The following ABCC9 variants were observed in gnomAD, a reference collection of about 807,000 sequenced individuals.
ABCC9 encodes the protein ATP-binding cassette sub-family C member 9.
In ABCC9, 95 loss-of-function variants were observed where a neutral mutation model predicts 188.3. The observed-to-expected ratio is 0.50, with a 90% confidence interval of 0.43 to 0.60. The LOEUF is 0.60. Among genes scored for constraint, ABCC9 ranks in the 20% least tolerant of loss-of-function variants. ABCC9 has a pLI of 0.00. For synonymous variants in ABCC9, 659 were observed against 652.7 expected, an observed-to-expected ratio of 1.01 and a Z score of -0.15; for missense variants, 1,102 against 1,876.3, an observed-to-expected ratio of 0.59 and a Z score of 7.62.
At chr12:21,925,711 T>C (rs1371622228) in intron 5 of ABCC9, among the ~76,000 whole-genome samples, 1 of 152,012 alleles carries the variant, frequency 6.6e-6, no homozygotes, top group Non-Finnish European at 1.5e-5. Context: ...GAGCATTTAT[T>C]GCAGAAGAGA....
At position 21,842,423 on chromosome 12, in the gene ABCC9, G is replaced by C; in HGVS notation, c.3364C>G (p.Leu1122Val). 8 of 1,614,156 alleles carry C rather than the reference G, an allele frequency of 5.0e-6. No homozygotes were observed. The highest frequency in any genetic ancestry group is 5.9e-6 in the Non-Finnish European group (7 of 1,180,000). Residue 1122 changes from leucine to valine, a missense_variant, in exon 29 of 40, where the codon CTG (leucine) becomes GTG (valine). Leu to Val is a conservative substitution (Grantham distance 32). Coordinates refer to ENST00000261200, the MANE Select transcript of ABCC9 (RefSeq NM_020297.4). ...ESLTRSTLLC[L>V]SAIGMISYAT... ...TAAGAAATCATCCCAATGGCAGACA[G>C]GCAGAGCAGTGTTGAGCGAGTTAGA...
chr12:21,823,107 A>G (rs1168799883), intron 31 of ABCC9, among the ~76,000 whole-genome samples: 1 of 152,132 alleles, frequency 6.6e-6, no homozygotes, highest in Non-Finnish European at 1.5e-5. Context: ...GAAATGGGAG[A>G]CTCAACTTAG....
intron 22 of ABCC9, among the ~76,000 whole-genome samples, chr12:21,854,780 A>G (rs966461299): frequency 1.3e-5 from 2 of 152,218 alleles, no homozygotes; most frequent in African/African-American, 2.4e-5. Context: ...GAATTCTACC[A>G]CTAATATATG....
At chr12:21,811,980 A>G (rs966304195) in intron 36 of ABCC9, 69 bp downstream of exon 36, 18 of 1,126,862 alleles carry the variant, frequency 1.6e-5, no homozygotes, top group Admixed American at 1.4e-4. Flanking sequence ...AATGACTCTG[A>G]GTAAAACCTT....
intron 34 of ABCC9, 100 bp downstream of exon 34, chr12:21,815,663 T>C (rs1410697583): frequency 3.4e-6 from 5 of 1,463,584 alleles, no homozygotes; most frequent in Admixed American, 1.7e-5. Context: ...GTAGGGAATA[T>C]ACTTACTTGG....
At chr12:21,852,252 G>T (rs749472436) in intron 23 of ABCC9, 30 bp from the exon 24 acceptor site, 20 of 1,613,532 alleles carry the variant, frequency 1.2e-5, no homozygotes, top group Non-Finnish European at 1.5e-5. Context: ...CCAGAAATGT[G>T]ACGAAAAGCC....
At chr12:21,905,415 A>T (rs944410645) in intron 12 of ABCC9, among the ~76,000 whole-genome samples, 6 of 141,678 alleles carry the variant, frequency 4.2e-5, no homozygotes, top group South Asian at 2.2e-4. Flanking sequence ...AAGTATAATT[A>T]AAAAAAAAAA....
intron 24 of ABCC9, among the ~76,000 whole-genome samples, chr12:21,850,788 C>T (rs11046211): frequency 0.052 from 7,868 of 152,058 alleles, 335 homozygotes; most frequent in East Asian, 0.11. Context: ...GAGTTATCCC[C>T]GGTACGTTTA....
chr12:21,936,468 A>G (rs965579168), intron 3 of ABCC9, 65 bp downstream of exon 3: 27 of 1,402,740 alleles, frequency 1.9e-5, no homozygotes, highest in Non-Finnish European at 2.7e-5. Flanking sequence ...CATTATCCCA[A>G]ATCTCAGCCA....
intron 16 of ABCC9, 134 bp downstream of exon 16, chr12:21,882,632 T>A (rs1034905685): frequency 1.6e-5 from 12 of 750,840 alleles, no homozygotes; most frequent in Admixed American, 8.4e-5. Context: ...AATTTTTTTT[T>A]AAATGTTATT....
intron 12 of ABCC9, among the ~76,000 whole-genome samples, chr12:21,897,753 A>C (rs558414356): frequency 6.6e-6 from 1 of 152,304 alleles, no homozygotes; most frequent in South Asian, 2.1e-4. Context: ...TTGACTCAAG[A>C]ATCCCAGCTG....
At position 21,800,923 on chromosome 12, in the gene ABCC9, C is replaced by G. The variant is rs1941396470; in HGVS notation, c.*121G>C. On this transcript the variant is annotated 3_prime_UTR_variant, in exon 40 of 40. Transcript: ENST00000261200. Reference sequence around the variant, plus strand: ...TAAAAACAGGAAAAATAAATGTCCACTTTTTGTGCAAAAATCTGTAAAAGT... The same window carrying G: ...TAAAAACAGGAAAAATAAATGTCCAGTTTTTGTGCAAAAATCTGTAAAAGT... 4.1e-6 allele frequency: 5 copies of G among 1,205,844 alleles called. No individual in the cohort carries two copies. The Admixed American group carries it at 6.6e-5, about 16-fold the overall frequency. The allele number at this position is 1,205,844 out of a possible 1,614,324, so 74.7% of individuals were successfully genotyped here. A position where few individuals can be genotyped will look rare whatever the true frequency, so the allele number is the denominator to read the frequency against.
At chr12:21,916,811 T>C in intron 6 of ABCC9, 126 bp downstream of exon 6, 1 of 791,998 alleles carries the variant, frequency 1.3e-6, no homozygotes, top group Non-Finnish European at 1.9e-6. Flanking sequence ...TTCAACTTTA[T>C]ATTTATATAT....
Position 21,845,804 on chromosome 12 carries a change from A to G in ABCC9, c.2895T>C (p.Asp965=). 6.2e-7 allele frequency: 1 copy of G among 1,613,644 alleles called. No homozygotes were observed. Among genetic ancestry groups the G allele is most frequent in the South Asian group, 1.1e-5 (1 of 91,068 alleles). Residue 965 remains aspartate (D), a synonymous_variant, in exon 26 of 40, where the codon GAT becomes GAC. Transcript: ENST00000261200. ...EEEEEEEDED[D]NMSTVMRLRT... ...TGAGCCTCATTACAGTGGACATGTT[A>G]TCATCCTCATCTTCCTCCTCTTCTT...
rs373396917 is a variant in ABCC9 at position 21,801,099 on chromosome 12, C to T, written c.4595G>A (p.Ser1532Asn). 4 of 1,614,020 alleles carry T rather than the reference C, an allele frequency of 2.5e-6. No individual in the cohort carries two copies. The highest frequency in any genetic ancestry group is 3.4e-6 in the Non-Finnish European group (4 of 1,179,948). Reference sequence around the variant, plus strand: ...TACTCCATTTTCCTGAGCCAAGAGGCTTTCTGGAGTGTCATATTCTAAAAT... The same window carrying T: ...TACTCCATTTTCCTGAGCCAAGAGGTTTTCTGGAGTGTCATATTCTAAAAT... The part of the protein sequence containing the change: ...GNILEYDTPE[S>N]LLAQENGVFA... The change falls in exon 40 of 40, where the codon AGC (serine) becomes AAC (asparagine). Residue 1532 changes from serine to asparagine, a missense_variant. Physicochemically the swap from Ser to Asn is conservative, Grantham distance 46. Around this residue, in one of 12 missense-constraint regions of ABCC9, gnomAD observed 30 missense variants for 34.3 expected, o/e 0.87. Coordinates refer to ENST00000261200, the MANE Select transcript of ABCC9 (RefSeq NM_020297.4).
intron 16 of ABCC9, among the ~76,000 whole-genome samples, chr12:21,881,363 G>C (rs992264224): frequency 6.6e-6 from 1 of 152,154 alleles, no homozygotes; most frequent in Non-Finnish European, 1.5e-5. Flanking sequence ...TGAAACTGCG[G>C]AGGCCATTCA....
chr12:21,864,559 A>G (rs1265222590), intron 18 of ABCC9, 82 bp from the exon 19 acceptor site: 2 of 951,852 alleles, frequency 2.1e-6, no homozygotes, highest in Non-Finnish European at 3.4e-6. Flanking sequence ...TAAGAGATAC[A>G]ATAAACACTG....
At chr12:21,836,579 G>A (rs1000056304) in intron 30 of ABCC9, among the ~76,000 whole-genome samples, 2 of 152,060 alleles carry the variant, frequency 1.3e-5, no homozygotes, top group Admixed American at 6.6e-5. Context: ...CCTGCTCTCT[G>A]ACACAGTTGT....
At position 21,828,837 on chromosome 12, in the gene ABCC9, C is replaced by G. The variant is rs1943543050; in HGVS notation, c.3669+121G>C. 3.7e-6 allele frequency: 3 copies of G among 821,296 alleles called. No individual in the cohort carries two copies. The Admixed American group carries it at 5.3e-5, about 14-fold the overall frequency. 50.9% of individuals were successfully genotyped at this position (821,296 alleles called of 1,614,324 possible). A position where few individuals can be genotyped will look rare whatever the true frequency, so the allele number is the denominator to read the frequency against. ...AAACAAACCTGAGCTATTTTAAAGT[C>G]CAGAAAATGTGAAGCTAGTGCCGAA... On this transcript the variant is annotated intron_variant, in intron 31 of 39. Coordinates refer to ENST00000261200, the MANE Select transcript of ABCC9 (RefSeq NM_020297.4).
Sources: gnomAD v4.1 joint callset for allele counts (sites outside exome capture counted in the v4.1 genomes callset) on GRCh38, gnomAD v4.1.1 for gene constraint, gnomAD v4.1.1 regional missense constraint, MANE v1.5 for transcripts, NCBI Gene and HGNC (gene_info 2026-07-23, HGNC 2026-07-21) for gene names.